Variants in TMEM245 observed in about 807,000 individuals in gnomAD.
The protein encoded by TMEM245 is transmembrane protein 245, also known as protein CG-2.
A neutral mutation model predicts 101.2 loss-of-function variants in TMEM245; 69 were observed. That is an observed-to-expected ratio of 0.68 (90% confidence interval 0.56 to 0.83). TMEM245 has a LOEUF of 0.83. TMEM245 is among the 40% of genes least tolerant of loss of function. The pLI is 0.00. For synonymous variants in TMEM245, 537 were observed against 449.8 expected, an observed-to-expected ratio of 1.19 and a Z score of -2.45; for missense variants, 1,075 against 1,092.8, an observed-to-expected ratio of 0.98 and a Z score of 0.23.
intron 11 of TMEM245, among the ~76,000 whole-genome samples, chr9:109,057,612 G>A (rs531541479): frequency 2.2e-4 from 33 of 152,006 alleles, no homozygotes; most frequent in Non-Finnish European, 3.8e-4. Flanking sequence ...TTAGCCAGGC[G>A]TGGTGGCACG....
intron 1 of TMEM245, among the ~76,000 whole-genome samples, chr9:109,114,801 C>T (rs1390866179): frequency 6.6e-6 from 1 of 152,164 alleles, no homozygotes; most frequent in East Asian, 1.9e-4. Flanking sequence ...ACAGCTCCAC[C>T]ATGGGAAGAT....
At chr9:109,107,417 A>C (rs1812937) in intron 2 of TMEM245, among the ~76,000 whole-genome samples, 2 of 144,064 alleles carry the variant, frequency 1.4e-5, no homozygotes, top group African/African-American at 5.2e-5. Flanking sequence ...AAAAAAAAAA[A>C]GTTCACAAGT....
intron 9 of TMEM245, among the ~76,000 whole-genome samples, chr9:109,069,072 G>A (rs1829255558): frequency 6.6e-6 from 1 of 152,170 alleles, no homozygotes; most frequent in African/African-American, 2.4e-5. Context: ...AGGGGATGGG[G>A]TGAAGAGTAT....
At chr9:109,117,565 T>C (rs910405977) in intron 1 of TMEM245, among the ~76,000 whole-genome samples, 1 of 152,238 alleles carries the variant, frequency 6.6e-6, no homozygotes, top group Admixed American at 6.5e-5. Context: ...AGTAAAAAGA[T>C]ACTCAAAGGT....
At chr9:109,064,408 C>A in intron 10 of TMEM245, 69 bp downstream of exon 10, 3 of 1,403,302 alleles carry the variant, frequency 2.1e-6, no homozygotes, top group Admixed American at 4.0e-5. Flanking sequence ...TATGTTTTAT[C>A]AAAGCAACAA....
rs1349052310 is a variant in TMEM245, at chr9:109,119,355, C to T, written c.559G>A (p.Asp187Asn). The T allele has an allele frequency of 6.5e-6, 10 of 1,531,808 alleles. No homozygotes were observed. Among genetic ancestry groups the T allele is most frequent in the Non-Finnish European group, 8.7e-6 (10 of 1,143,374 alleles). The allele number at this position is 1,531,808 out of a possible 1,614,324, so 94.9% of individuals were successfully genotyped here. A position where few individuals can be genotyped will look rare whatever the true frequency, so the allele number is the denominator to read the frequency against. Residue 187 changes from aspartate (D) to asparagine (N), a missense_variant, in exon 1 of 18, where the codon GAC (aspartate) becomes AAC (asparagine). By Grantham distance (23) the Asp-to-Asn change is conservative (BLOSUM62 1). Transcript: ENST00000374586. ...HAATLICRGL[D>N]YFSSLWIWTL... Reference sequence around the variant, plus strand: ...CTCACCCACAGGCTGCTGAAGTAGTCCAGCCCGCGGCAGATGAGCGTGGCA... The same window carrying T: ...CTCACCCACAGGCTGCTGAAGTAGTTCAGCCCGCGGCAGATGAGCGTGGCA...
intron 11 of TMEM245, among the ~76,000 whole-genome samples, chr9:109,058,662 G>T (rs1441313742): frequency 6.6e-6 from 1 of 152,070 alleles, no homozygotes; most frequent in African/African-American, 2.4e-5. Flanking sequence ...GGCTGCACTG[G>T]AGTGCAATGG....
At chr9:109,061,141 C>T (rs1465154763) in intron 10 of TMEM245, among the ~76,000 whole-genome samples, 1 of 152,142 alleles carries the variant, frequency 6.6e-6, no homozygotes, top group Non-Finnish European at 1.5e-5. Flanking sequence ...CATGGCGAAA[C>T]CCCATCTTTA....
At chr9:109,069,426 C>T (rs1829264803) in intron 9 of TMEM245, among the ~76,000 whole-genome samples, 1 of 152,174 alleles carries the variant, frequency 6.6e-6, no homozygotes, top group African/African-American at 2.4e-5. Flanking sequence ...AAATCCCATA[C>T]CTGATACATG....
Position 109,017,338 on chromosome 9 carries a change from T to C in TMEM245, c.*3122A>G, listed in dbSNP as rs1166709771. 6.6e-6 allele frequency: 1 copy of C among 152,224 alleles called. No individual in the cohort carries two copies. Among genetic ancestry groups the C allele is most frequent in the Admixed American group, 6.5e-5 (1 of 15,280 alleles). 9.4% of individuals were successfully genotyped at this position (152,224 alleles called of 1,614,324 possible). A position where few individuals can be genotyped will look rare whatever the true frequency, so the allele number is the denominator to read the frequency against. On this transcript the variant is annotated 3_prime_UTR_variant, in exon 18 of 18. Coordinates refer to ENST00000374586, the MANE Select transcript of TMEM245 (RefSeq NM_032012.4). ...GAAAGCTCTGCCAGCTAAACACTTC[T>C]TATCAAAGAGGGTGTGAAGAAACCT...
chr9:109,083,295 G>A (rs1456255663), intron 7 of TMEM245, among the ~76,000 whole-genome samples: 2 of 152,104 alleles, frequency 1.3e-5, no homozygotes, highest in African/African-American at 4.8e-5. Flanking sequence ...ATAAAGAGAG[G>A]AAGCAATGGA....
intron 4 of TMEM245, 103 bp from the exon 5 acceptor site, chr9:109,091,258 T>G (rs1829999485): frequency 1.0e-6 from 1 of 989,802 alleles, no homozygotes; most frequent in African/African-American, 1.6e-5. Context: ...CTTCAAAATG[T>G]GCTGATATGG....
intron 14 of TMEM245, 95 bp from the exon 15 acceptor site, chr9:109,038,212 T>C: frequency 1.2e-6 from 1 of 827,050 alleles, no homozygotes. Context: ...AATCATGTAA[T>C]AGCTTCAGTT....
chr9:109,103,686 C>A (rs576312376), intron 3 of TMEM245, among the ~76,000 whole-genome samples: 43 of 152,106 alleles, frequency 2.8e-4, no homozygotes, highest in Middle Eastern at 6.8e-3. Context: ...AAAATCAAAA[C>A]AATTGAACTC....
intron 4 of TMEM245, among the ~76,000 whole-genome samples, chr9:109,091,788 T>C (rs954555919): frequency 1.3e-5 from 2 of 152,182 alleles, no homozygotes; most frequent in Non-Finnish European, 2.9e-5. Flanking sequence ...CATTTTACTA[T>C]AGGGTGCTAT....
At chr9:109,097,584 C>T (rs1830175516) in intron 3 of TMEM245, among the ~76,000 whole-genome samples, 2 of 152,180 alleles carry the variant, frequency 1.3e-5, no homozygotes, top group Non-Finnish European at 2.9e-5. Context: ...ATGAGGCTTA[C>T]ATAAATTCGT....
At chr9:109,068,022 G>A (rs1205930766) in intron 9 of TMEM245, among the ~76,000 whole-genome samples, 1 of 151,968 alleles carries the variant, frequency 6.6e-6, no homozygotes, top group African/African-American at 2.4e-5. Flanking sequence ...CCACCTATCT[G>A]CTGAAAAAGA....
chr9:109,039,775 A>G (rs1828248322), intron 14 of TMEM245, among the ~76,000 whole-genome samples: 1 of 152,118 alleles, frequency 6.6e-6, no homozygotes, highest in Non-Finnish European at 1.5e-5. Context: ...ACTAGAGTGC[A>G]GTATTCCCGG....
At chr9:109,096,356 A>G (rs1830140263) in intron 3 of TMEM245, among the ~76,000 whole-genome samples, 1 of 152,216 alleles carries the variant, frequency 6.6e-6, no homozygotes, top group Non-Finnish European at 1.5e-5. Context: ...ACACGCCTGT[A>G]ATCCCAGCTA....
Sources: allele counts gnomAD v4.1 joint callset (sites outside exome capture counted in the v4.1 genomes callset), GRCh38; gene constraint gnomAD v4.1.1; transcripts MANE v1.5; gene names NCBI Gene and HGNC (gene_info 2026-07-23, HGNC 2026-07-21).